The following CCSER1 variants were observed in gnomAD, a reference collection of about 807,000 sequenced individuals.
CCSER1 encodes coiled-coil serine rich protein 1.
CCSER1 carries 41 observed loss-of-function variants against 82.0 expected under a neutral mutation model. The ratio of observed to expected loss-of-function variants is 0.50; its 90% confidence interval spans 0.39 to 0.65. The LOEUF is 0.65. Ranked by LOEUF, CCSER1 falls within the 30% of genes least tolerant of loss-of-function variation. The pLI, the probability that CCSER1 is intolerant of heterozygous loss-of-function variation, is 0.00. For missense variants in CCSER1, 1,119 were observed against 1,064.2 expected (o/e 1.05, Z -0.72); for synonymous variants, 414 against 383.9 (o/e 1.08, Z -0.92).
chr4:91,043,935 G>A (rs1742212093), intron 9 of CCSER1, among the ~76,000 whole-genome samples: 1 of 152,024 alleles, frequency 6.6e-6, no homozygotes, highest in Non-Finnish European at 1.5e-5. Context: ...TGGACAAGAT[G>A]GTTAAAGTTC....
chr4:91,293,199 A>G (rs1417482171), intron 10 of CCSER1, among the ~76,000 whole-genome samples: 2 of 152,090 alleles, frequency 1.3e-5, no homozygotes, highest in East Asian at 3.9e-4. Flanking sequence ...TTTCCCACTC[A>G]GCACCATCCA....
rs1217697360 is a variant in CCSER1 at position 91,601,181 on chromosome 4, C to A, written c.*2124C>A. The A allele has an allele frequency of 6.6e-6, 1 of 151,940 alleles. No individual in the cohort carries two copies. Among genetic ancestry groups the A allele is most frequent in the Non-Finnish European group, 1.5e-5 (1 of 67,942 alleles). 9.4% of individuals were successfully genotyped at this position (151,940 alleles called of 1,614,324 possible). A position where few individuals can be genotyped will look rare whatever the true frequency, so the allele number is the denominator to read the frequency against. Reference sequence around the variant, plus strand: ...TAGTTTTGTTTTCCTGGAAGATAGACTTTTGAATTATACTTTATAAAAATA... The same window carrying A: ...TAGTTTTGTTTTCCTGGAAGATAGAATTTTGAATTATACTTTATAAAAATA... On this transcript the variant is annotated 3_prime_UTR_variant, in exon 11 of 11. Coordinates refer to ENST00000509176, the MANE Select transcript of CCSER1 (RefSeq NM_001145065.2).
At chr4:91,155,170 A>T (rs1730688272) in intron 10 of CCSER1, among the ~76,000 whole-genome samples, 1 of 151,948 alleles carries the variant, frequency 6.6e-6, no homozygotes, top group Admixed American at 6.6e-5. Context: ...CTCCAACCAA[A>T]TCTCACCTTG....
chr4:90,615,344 T>C (rs1720991006), intron 5 of CCSER1, among the ~76,000 whole-genome samples: 1 of 152,194 alleles, frequency 6.6e-6, no homozygotes, highest in Admixed American at 6.5e-5. Context: ...GTTGTAAGGC[T>C]AGAGTTGCCA....
In CCSER1 at chr4:90,957,519, A is replaced by ATATT. The variant is rs1561417701; in HGVS notation, c.2172+34072_2172+34073insTATT. Reference sequence around the variant, plus strand: ...TATATAATATTATATAATATAACATAATATCATATATTATATATATTATAT... The same window carrying ATATT: ...TATATAATATTATATAATATAACATATATTATATCATATATTATATATATTATAT... On this transcript the variant is annotated intron_variant, in intron 9 of 10. Transcript: ENST00000509176. Among the ~76,000 whole-genome samples the ATATT allele has an allele frequency of 8.6e-3, 952 of 110,588 alleles. 23 individuals are homozygous for ATATT. Among genetic ancestry groups the ATATT allele is most frequent in the African/African-American group, 0.026 (875 of 33,442 alleles). The allele number at this position is 110,588 out of a possible 152,430, so 72.6% of individuals were successfully genotyped here.
chr4:90,918,239 C>T (rs1727808429), intron 8 of CCSER1: 2 of 455,344 alleles, frequency 4.4e-6, no homozygotes, highest in Non-Finnish European at 8.8e-6. Context: ...GATTCTAAAG[C>T]AAACTACTAC....
chr4:90,165,680 A>C (rs967494541), intron 1 of CCSER1, among the ~76,000 whole-genome samples: 3 of 152,096 alleles, frequency 2.0e-5, no homozygotes, highest in Non-Finnish European at 2.9e-5. Flanking sequence ...TGGTATACAC[A>C]TGTCATACAT....
chr4:90,163,024 T>C (rs867176158), intron 1 of CCSER1, among the ~76,000 whole-genome samples: 1 of 152,298 alleles, frequency 6.6e-6, no homozygotes, highest in Non-Finnish European at 1.5e-5. Flanking sequence ...CTGTGTTTGT[T>C]TCAGTTTATC....
chr4:91,187,348 T>G (rs1734641738), intron 10 of CCSER1, among the ~76,000 whole-genome samples: 1 of 152,206 alleles, frequency 6.6e-6, no homozygotes, highest in South Asian at 2.1e-4. Flanking sequence ...CTGGGTAGTA[T>G]TAATCATAGG....
intron 10 of CCSER1, among the ~76,000 whole-genome samples, chr4:91,524,138 T>C (rs1164170859): frequency 2.0e-5 from 3 of 152,222 alleles, no homozygotes; most frequent in Non-Finnish European, 4.4e-5. Context: ...AAATTGAGTT[T>C]CACCTCAAGG....
chr4:91,424,716 T>A (rs1753876307), intron 10 of CCSER1, among the ~76,000 whole-genome samples: 1 of 152,152 alleles, frequency 6.6e-6, no homozygotes. Flanking sequence ...AATGTTTTAT[T>A]TTTAGGAGCC....
At chr4:91,219,012 A>G (rs1409341401) in intron 10 of CCSER1, among the ~76,000 whole-genome samples, 1 of 152,218 alleles carries the variant, frequency 6.6e-6, no homozygotes, top group Non-Finnish European at 1.5e-5. Flanking sequence ...AAGACAGAAC[A>G]TGGAGGGAGA....
intron 1 of CCSER1, among the ~76,000 whole-genome samples, chr4:90,191,065 C>A (rs779256752): frequency 6.6e-6 from 1 of 151,932 alleles, no homozygotes; most frequent in African/African-American, 2.4e-5. Flanking sequence ...TGCCTTATAA[C>A]TTCTTGTTTC....
chr4:90,853,160 C>G (rs1023142583), intron 8 of CCSER1, among the ~76,000 whole-genome samples: 1 of 151,774 alleles, frequency 6.6e-6, no homozygotes, highest in Admixed American at 6.6e-5. Flanking sequence ...CTGTTCATAC[C>G]CTACTAATTT....
At chr4:91,298,677 T>G (rs1211930956) in intron 10 of CCSER1, among the ~76,000 whole-genome samples, 2 of 151,874 alleles carry the variant, frequency 1.3e-5, no homozygotes, top group Non-Finnish European at 2.9e-5. Context: ...TTCTTTACAG[T>G]TTTAAGTTAA....
chr4:90,156,847 T>G (rs1578232063), intron 1 of CCSER1, among the ~76,000 whole-genome samples: 1 of 152,382 alleles, frequency 6.6e-6, no homozygotes, highest in East Asian at 1.9e-4. Context: ...TCTGTGTCTT[T>G]TAATTGGAAC....
chr4:91,147,853 T>C (rs1729703720), intron 10 of CCSER1, among the ~76,000 whole-genome samples: 1 of 152,230 alleles, frequency 6.6e-6, no homozygotes, highest in Non-Finnish European at 1.5e-5. Context: ...AAACATTAAT[T>C]GAAGGAATAT....
chr4:90,780,146 C>T (rs1243592671), intron 7 of CCSER1, among the ~76,000 whole-genome samples: 4 of 152,258 alleles, frequency 2.6e-5, no homozygotes, highest in African/African-American at 9.6e-5. Context: ...GGACTTGACC[C>T]TCCCTGAGTT....
chr4:90,304,562 A>T (rs533535166), intron 1 of CCSER1, among the ~76,000 whole-genome samples: 32 of 152,094 alleles, frequency 2.1e-4, no homozygotes, highest in African/African-American at 7.5e-4. Flanking sequence ...AAAACCCAAC[A>T]CTGCATATTC....
Sources: gnomAD v4.1 joint callset for allele counts (sites outside exome capture counted in the v4.1 genomes callset) on GRCh38, gnomAD v4.1.1 for gene constraint, MANE v1.5 for transcripts, NCBI Gene and HGNC (gene_info 2026-07-23, HGNC 2026-07-21) for gene names.